The following MAP3K5 variants were observed in gnomAD, a reference collection of about 807,000 sequenced individuals.
MAP3K5 encodes ASK-1.
MAP3K5 carries 56 observed loss-of-function variants against 158.7 expected under a neutral mutation model. That is an observed-to-expected ratio of 0.35 (90% CI 0.28 to 0.44). MAP3K5 has a LOEUF of 0.44. MAP3K5 is among the 20% of genes least tolerant of loss of function. The probability of loss-of-function intolerance (pLI) is 1.00; values close to 1 mark genes in which losing one functional copy is unlikely to be tolerated. For missense variants in MAP3K5, 1,294 were observed against 1,674.8 expected (o/e 0.77, Z 3.97); for synonymous variants, 579 against 601.7 (o/e 0.96, Z 0.55).
intron 6 of MAP3K5, among the ~76,000 whole-genome samples, chr6:136,694,625 A>G (rs1409645258): frequency 1.3e-5 from 2 of 152,208 alleles, no homozygotes; most frequent in Non-Finnish European, 2.9e-5. Flanking sequence ...TGGTGAAACG[A>G]GATTAGAGTT....
At chr6:136,761,563 G>A (rs755060135) in intron 1 of MAP3K5, among the ~76,000 whole-genome samples, 19 of 152,078 alleles carry the variant, frequency 1.2e-4, no homozygotes, top group Non-Finnish European at 2.2e-4. Flanking sequence ...GGGAAAATGG[G>A]AAAATAAGCA....
intron 7 of MAP3K5, among the ~76,000 whole-genome samples, chr6:136,684,152 G>C (rs1340632083): frequency 6.6e-6 from 1 of 151,970 alleles, no homozygotes; most frequent in Non-Finnish European, 1.5e-5. Flanking sequence ...GATCACTTGA[G>C]CCCAGGAGTT....
At chr6:136,585,369 C>A (rs970212723) in intron 23 of MAP3K5, among the ~76,000 whole-genome samples, 9 of 151,814 alleles carry the variant, frequency 5.9e-5, no homozygotes, top group African/African-American at 2.2e-4. Context: ...CCTCCCACCT[C>A]CGCCTCCCAA....
chr6:136,634,145 T>C (rs1227089603), intron 14 of MAP3K5, among the ~76,000 whole-genome samples: 1 of 152,226 alleles, frequency 6.6e-6, no homozygotes. Flanking sequence ...TGCAGGATGC[T>C]GATAAAATAA....
chr6:136,613,104 T>A lies in MAP3K5; in HGVS notation c.2415+16A>T. The A allele has an allele frequency of 6.3e-7, 1 of 1,578,060 alleles. No homozygotes were observed. The highest frequency in any genetic ancestry group is 8.6e-7 in the Non-Finnish European group (1 of 1,164,534). On this transcript the variant is annotated intron_variant, in intron 17 of 29. Transcript: ENST00000359015. The surrounding 1 kb of genome is among the most constrained non-coding windows in gnomAD (Gnocchi z 4.0). ...CAAAGAAAGAACTCATGAAAATGAA[T>A]GCTGGTGTACCTCACCTTTATGTCC...
intron 21 of MAP3K5, among the ~76,000 whole-genome samples, chr6:136,599,618 A>G (rs909165132): frequency 1.9e-4 from 29 of 152,218 alleles, no homozygotes; most frequent in African/African-American, 7.0e-4. Flanking sequence ...AAGGGATAAA[A>G]CAATCATGGA....
intron 1 of MAP3K5, among the ~76,000 whole-genome samples, chr6:136,725,600 T>C (rs1287822939): frequency 6.6e-6 from 1 of 152,232 alleles, no homozygotes; most frequent in South Asian, 2.1e-4. Context: ...TTTCTGAATA[T>C]TGTTCCTCTG....
At chr6:136,683,556 T>A (rs760774516) in intron 7 of MAP3K5, among the ~76,000 whole-genome samples, 1 of 152,244 alleles carries the variant, frequency 6.6e-6, no homozygotes, top group Non-Finnish European at 1.5e-5. Context: ...GAGATACACT[T>A]TCTTATGATT....
chr6:136,563,895 A>T (rs559330321), intron 26 of MAP3K5, among the ~76,000 whole-genome samples: 1 of 152,320 alleles, frequency 6.6e-6, no homozygotes, highest in Non-Finnish European at 1.5e-5. Context: ...GTATTGATAG[A>T]TTTAACTCAA....
chr6:136,587,002 C>CT (rs1306294939), intron 23 of MAP3K5, among the ~76,000 whole-genome samples: 1 of 152,158 alleles, frequency 6.6e-6, no homozygotes, highest in Non-Finnish European at 1.5e-5. Context: ...TGAGTTAATA[C>CT]TTAATAAACT....
At chr6:136,723,585 G>A (rs573573291) in intron 1 of MAP3K5, among the ~76,000 whole-genome samples, 1 of 152,012 alleles carries the variant, frequency 6.6e-6, no homozygotes, top group Middle Eastern at 3.4e-3. Context: ...CACAATTTAG[G>A]AATCTATCAA....
intron 1 of MAP3K5, among the ~76,000 whole-genome samples, chr6:136,752,745 G>C (rs7740820): frequency 6.6e-6 from 1 of 152,152 alleles, no homozygotes; most frequent in African/African-American, 2.4e-5. Context: ...TTTACTCCAG[G>C]AAGAAGATGA....
rs577436015 is a variant in MAP3K5 at position 136,739,919 on chromosome 6, T to C, written c.449-19330A>G. Among the ~76,000 whole-genome samples the C allele has an allele frequency of 2.0e-5, 3 of 152,338 alleles. No homozygotes were observed. In the South Asian group the frequency reaches 6.2e-4, roughly 32 times the overall value. ...CAGTTCCTGCACCATTAGCTGTCCC[T>C]TCCATGGGCAGTGGCAGCAGGGGCC... On this transcript the variant is annotated intron_variant, in intron 1 of 29. Coordinates refer to ENST00000359015, the MANE Select transcript of MAP3K5 (RefSeq NM_005923.4).
intron 1 of MAP3K5, among the ~76,000 whole-genome samples, chr6:136,743,342 C>T (rs1006087088): frequency 2.0e-5 from 3 of 151,796 alleles, no homozygotes; most frequent in Non-Finnish European, 4.4e-5. Context: ...CCCAGCTACT[C>T]GGGAGGCTGA....
At chr6:136,734,152 C>T (rs1004149333) in intron 1 of MAP3K5, among the ~76,000 whole-genome samples, 2 of 152,044 alleles carry the variant, frequency 1.3e-5, no homozygotes, top group South Asian at 2.1e-4. Context: ...TGCGGTAGCT[C>T]ACCTCACCGT....
At position 136,580,320 on chromosome 6, in the gene MAP3K5, G is replaced by A. The variant is rs1774811907; in HGVS notation, c.3498C>T (p.Ala1166=). The A allele has an allele frequency of 1.2e-6, 2 of 1,612,260 alleles. No homozygotes were observed. The highest frequency in any genetic ancestry group is 1.7e-4 in the Middle Eastern group (1 of 6,056). The change falls in exon 25 of 30, where the codon GCC becomes GCT. Residue 1166 remains alanine (A), a synonymous_variant. Coordinates refer to ENST00000359015, the MANE Select transcript of MAP3K5 (RefSeq NM_005923.4). ...DSIIRKAVQT[A]ITILVPELRP... ...TCTGACCTGGAACCAGGATGGTAAT[G>A]GCTGTCTGTACCGCCTTCCGAATGA...
chr6:136,591,565 C>T (rs537376076), intron 23 of MAP3K5, among the ~76,000 whole-genome samples: 2 of 152,296 alleles, frequency 1.3e-5, no homozygotes, highest in East Asian at 3.9e-4. Context: ...CAGAAATATG[C>T]CATAGGAACT....
intron 15 of MAP3K5, among the ~76,000 whole-genome samples, chr6:136,619,751 G>C (rs1255886406): frequency 6.6e-6 from 1 of 152,250 alleles, no homozygotes; most frequent in Non-Finnish European, 1.5e-5. Context: ...TGAAGGCTTA[G>C]ATTAGAGGTG....
rs1785106409 is a variant in MAP3K5 at position 136,792,123 on chromosome 6, G to C, written c.35C>G (p.Ser12Cys). ...STEADEGITF[S>C]VPPFAPSGFC... Reference sequence around the variant, plus strand: ...GCCCGAGGGGGCGAAGGGTGGCACAGAGAAAGTGATGCCCTCGTCCGCCTC... The same window carrying C: ...GCCCGAGGGGGCGAAGGGTGGCACACAGAAAGTGATGCCCTCGTCCGCCTC... The change falls in exon 1 of 30, where the codon TCT becomes TGT. Residue 12 changes from serine to cysteine, a missense_variant. Coordinates refer to ENST00000359015, the MANE Select transcript of MAP3K5 (RefSeq NM_005923.4). This position sits in a 1 kb window ranked among gnomAD's most constrained non-coding sequence, Gnocchi z 5.7. 1 of 1,584,176 alleles carries C rather than the reference G, an allele frequency of 6.3e-7. No homozygotes were observed. The highest frequency in any genetic ancestry group is 1.8e-5 in the Admixed American group (1 of 56,100).
Sources: allele counts gnomAD v4.1 joint callset (sites outside exome capture counted in the v4.1 genomes callset), GRCh38; gene constraint gnomAD v4.1.1; non-coding constraint Gnocchi (gnomAD v3.1); transcripts MANE v1.5; gene names NCBI Gene and HGNC (gene_info 2026-07-23, HGNC 2026-07-21).